The following CCDC38 variants were observed in gnomAD, a reference collection of about 807,000 sequenced individuals.
CCDC38 encodes coiled-coil domain-containing protein 38.
In CCDC38, 69 loss-of-function variants were observed where a neutral mutation model predicts 72.8. The ratio of observed to expected loss-of-function variants is 0.95; its 90% CI spans 0.78 to 1.16. The LOEUF is 1.16. Ranked by LOEUF, CCDC38 falls within the 50% of genes most tolerant of loss-of-function variation. The pLI is 0.00. For synonymous variants in CCDC38, 201 were observed against 213.2 expected, an observed-to-expected ratio of 0.94 and a Z score of 0.50; for missense variants, 626 against 638.9, an observed-to-expected ratio of 0.98 and a Z score of 0.22.
intron 8 of CCDC38, among the ~76,000 whole-genome samples, chr12:95,893,429 CCCT>C (rs1307385171): frequency 9.1e-6 from 1 of 110,216 alleles, no homozygotes; most frequent in Non-Finnish European, 1.8e-5. Flanking sequence ...CTCCCTCCCT[CCCT>C]CCCTCCCTCC....
At position 95,907,680 on chromosome 12, in the gene CCDC38, CA is replaced by C. The variant is rs1280887718; in HGVS notation, c.305-1230del. On this transcript the variant is annotated intron_variant, in intron 4 of 15. Coordinates refer to ENST00000344280, the MANE Select transcript of CCDC38 (RefSeq NM_182496.3). ...CCGGGCAGAGGGGCTCCTCACTTCTCAGACGGGGCGGCTGCTGGGCGGAGGG... is the reference window on the plus strand; with the variant it reads ...CCGGGCAGAGGGGCTCCTCACTTCTCGACGGGGCGGCTGCTGGGCGGAGGG... Among the ~76,000 whole-genome samples the C allele has an allele frequency of 2.0e-4, 29 of 143,014 alleles. 1 individual carries two copies. Among genetic ancestry groups the C allele is most frequent in the African/African-American group, 7.3e-4 (28 of 38,282 alleles). 93.8% of individuals were successfully genotyped at this position (143,014 alleles called of 152,430 possible). A position where few individuals can be genotyped will look rare whatever the true frequency, so the allele number is the denominator to read the frequency against.
chr12:95,923,264 A>C (rs2080228515), intron 2 of CCDC38, among the ~76,000 whole-genome samples: 2 of 152,088 alleles, frequency 1.3e-5, no homozygotes, highest in Admixed American at 1.3e-4. Context: ...TAATTATATG[A>C]GCCAATTACT....
intron 4 of CCDC38, among the ~76,000 whole-genome samples, chr12:95,912,265 C>G (rs1465756302): frequency 1.3e-5 from 2 of 152,110 alleles, no homozygotes; most frequent in Non-Finnish European, 2.9e-5. Flanking sequence ...CTATTGGGTA[C>G]CATGTTCACT....
At chr12:95,899,118 T>C (rs2079924628) in intron 5 of CCDC38, among the ~76,000 whole-genome samples, 1 of 152,174 alleles carries the variant, frequency 6.6e-6, no homozygotes, top group South Asian at 2.1e-4. Flanking sequence ...AGGAAGACCA[T>C]GGGAGAAAGC....
At chr12:95,929,265 G>T (rs1012644060) in intron 2 of CCDC38, among the ~76,000 whole-genome samples, 2 of 152,180 alleles carry the variant, frequency 1.3e-5, no homozygotes, top group Non-Finnish European at 2.9e-5. Flanking sequence ...AAGCCCATGG[G>T]AAAAGCGCAG....
intron 4 of CCDC38, among the ~76,000 whole-genome samples, chr12:95,914,799 T>A (rs1232382015): frequency 1.3e-5 from 2 of 150,924 alleles, no homozygotes; most frequent in African/African-American, 4.9e-5. Flanking sequence ...TACACACACT[T>A]TTTTTTTTCC....
intron 1 of CCDC38, among the ~76,000 whole-genome samples, chr12:95,940,667 G>C (rs1300938704): frequency 6.6e-6 from 1 of 152,098 alleles, no homozygotes; most frequent in Non-Finnish European, 1.5e-5. Flanking sequence ...GGAGATCACA[G>C]TTAGCAATTT....
intron 1 of CCDC38, among the ~76,000 whole-genome samples, chr12:95,937,887 C>T (rs2080411094): frequency 6.6e-6 from 1 of 152,176 alleles, no homozygotes; most frequent in East Asian, 1.9e-4. Context: ...AAACTATTGT[C>T]TTCATGGAGC....
intron 2 of CCDC38, among the ~76,000 whole-genome samples, chr12:95,926,609 T>C (rs2080273911): frequency 6.6e-6 from 1 of 152,016 alleles, no homozygotes. Context: ...GCTCTTGCTT[T>C]TCTAGTTCTT....
In CCDC38 at chr12:95,920,027, G is replaced by A. The variant is rs7314874; in HGVS notation, c.38-1051C>T. ...GAAAGCATAGGGGCTCACAAAAAACGTGTACATGAATATTTAGAGCAGTAT... is the reference window on the plus strand; with the variant it reads ...GAAAGCATAGGGGCTCACAAAAAACATGTACATGAATATTTAGAGCAGTAT... On this transcript the variant is annotated intron_variant, in intron 2 of 15. Coordinates refer to ENST00000344280, the MANE Select transcript of CCDC38 (RefSeq NM_182496.3). Among the ~76,000 whole-genome samples, 932 of 152,256 alleles carry A rather than the reference G, an allele frequency of 6.1e-3. 4 individuals carry two copies. The highest frequency in any genetic ancestry group is 0.021 in the African/African-American group (872 of 41,558).
intron 5 of CCDC38, among the ~76,000 whole-genome samples, chr12:95,902,007 T>G (rs1395945682): frequency 6.6e-6 from 1 of 152,176 alleles, no homozygotes; most frequent in Non-Finnish European, 1.5e-5. Context: ...TGAAACCACT[T>G]CAGTTTTTGA....
intron 10 of CCDC38, 56 bp downstream of exon 10, chr12:95,888,402 T>G (rs1303255019): frequency 6.7e-7 from 1 of 1,484,482 alleles, no homozygotes; most frequent in Non-Finnish European, 9.4e-7. Flanking sequence ...CTTTAAAAGT[T>G]ATTTGCTGAA....
rs2121426450 is a variant in CCDC38 at position 95,879,604 on chromosome 12, T to C, written c.1142+40A>G. The C allele has an allele frequency of 1.4e-6, 2 of 1,440,796 alleles. No individual in the cohort carries two copies. Among genetic ancestry groups the C allele is most frequent in the Non-Finnish European group, 1.9e-6 (2 of 1,047,034 alleles). The allele number at this position is 1,440,796 out of a possible 1,614,324, so 89.3% of individuals were successfully genotyped here. A position where few individuals can be genotyped will look rare whatever the true frequency, so the allele number is the denominator to read the frequency against. ...GTTGGACCCAGGCTCTGGTTAGAAA[T>C]TGCTTAATGGAATAAATCTACTTGT... On this transcript the variant is annotated intron_variant, in intron 12 of 15. Transcript: ENST00000344280. The surrounding 1 kb of genome is among the most constrained non-coding windows in gnomAD (Gnocchi z 5.5).
chr12:95,931,899 G>T (rs1180554139), intron 2 of CCDC38, among the ~76,000 whole-genome samples: 2 of 152,162 alleles, frequency 1.3e-5, no homozygotes. Flanking sequence ...CAGTCAAGTG[G>T]ATATCTGAGG....
chr12:95,904,393 C>A (rs1192103221), intron 5 of CCDC38, among the ~76,000 whole-genome samples: 1 of 152,204 alleles, frequency 6.6e-6, no homozygotes, highest in African/African-American at 2.4e-5. Flanking sequence ...CCCCCAAATA[C>A]CGTCAGTTTT....
At chr12:95,919,136 G>A (rs1044535291) in intron 2 of CCDC38, among the ~76,000 whole-genome samples, 160 bp from the exon 3 acceptor site, 2 of 152,218 alleles carry the variant, frequency 1.3e-5, no homozygotes, top group Non-Finnish European at 2.9e-5. Flanking sequence ...ATTTAAAGGA[G>A]TTTAATTGAG....
In CCDC38 at chr12:95,908,901, T is replaced by A. The variant is rs561797506; in HGVS notation, c.305-2450A>T. Among the ~76,000 whole-genome samples, 4 of 152,156 alleles carry A rather than the reference T, an allele frequency of 2.6e-5. 1 individual carries two copies. In the South Asian group the frequency reaches 8.3e-4, roughly 32 times the overall value. On this transcript the variant is annotated intron_variant, in intron 4 of 15. Coordinates refer to ENST00000344280, the MANE Select transcript of CCDC38 (RefSeq NM_182496.3). ...CAATAGAAAATACCAAATGTTTCTTTTCAAGCTTTTTTCATTCTGGAAATT... is the reference window on the plus strand; with the variant it reads ...CAATAGAAAATACCAAATGTTTCTTATCAAGCTTTTTTCATTCTGGAAATT...
intron 10 of CCDC38, among the ~76,000 whole-genome samples, chr12:95,884,908 T>G (rs557197726): frequency 3.9e-5 from 6 of 152,238 alleles, no homozygotes; most frequent in African/African-American, 1.4e-4. Flanking sequence ...CATAGTACCA[T>G]GGGTTAGGAC....
At position 95,888,440 on chromosome 12, in the gene CCDC38, G is replaced by C. The variant is rs1592764727; in HGVS notation, c.920+18C>G. ...CCATTCCCAGTTTCCAAGGGAGTTAGTCAAGTATATACTGTACTTTGATTT... is the reference window on the plus strand; with the variant it reads ...CCATTCCCAGTTTCCAAGGGAGTTACTCAAGTATATACTGTACTTTGATTT... On this transcript the variant is annotated intron_variant, in intron 10 of 15. Coordinates refer to ENST00000344280, the MANE Select transcript of CCDC38 (RefSeq NM_182496.3). The C allele has an allele frequency of 6.2e-7, 1 of 1,609,968 alleles. No homozygotes were observed.
Sources: allele counts gnomAD v4.1 joint callset (sites outside exome capture counted in the v4.1 genomes callset), GRCh38; gene constraint gnomAD v4.1.1; non-coding constraint Gnocchi (gnomAD v3.1); transcripts MANE v1.5; gene names NCBI Gene and HGNC (gene_info 2026-07-23, HGNC 2026-07-21).